Variants in STXBP4 observed in about 807,000 individuals in gnomAD.
The protein encoded by STXBP4 is syntaxin binding protein 4.
In STXBP4, 55 loss-of-function variants were observed where a neutral mutation model predicts 76.1. The observed-to-expected ratio is 0.72, with a 90% CI of 0.58 to 0.91. The LOEUF is 0.91. STXBP4 is among the 40% of genes least tolerant of loss of function. STXBP4 has a pLI of 0.00. For synonymous variants in STXBP4, 201 were observed against 220.2 expected (o/e 0.91, Z 0.77); for missense variants, 618 against 636.9 (o/e 0.97, Z 0.32).
intron 8 of STXBP4, among the ~76,000 whole-genome samples, chr17:55,010,932 A>T (rs1430251041): frequency 6.6e-6 from 1 of 152,220 alleles, no homozygotes; most frequent in Non-Finnish European, 1.5e-5. Flanking sequence ...GACCTTAGTC[A>T]TTTAATAAAT....
At chr17:55,120,815 G>GTTT (rs56937675) in intron 16 of STXBP4, among the ~76,000 whole-genome samples, 1 of 150,300 alleles carries the variant, frequency 6.7e-6, no homozygotes, top group Non-Finnish European at 1.5e-5. Context: ...AAGAAAGAGT[G>GTTT]TTTTTTTTTT....
chr17:55,089,224 C>T (rs1296464321), intron 16 of STXBP4, among the ~76,000 whole-genome samples: 1 of 152,132 alleles, frequency 6.6e-6, no homozygotes, highest in Non-Finnish European at 1.5e-5. Flanking sequence ...GCTGCCACTG[C>T]CATGACTACT....
intron 16 of STXBP4, among the ~76,000 whole-genome samples, chr17:55,109,483 A>G (rs1206964287): frequency 1.3e-5 from 2 of 152,180 alleles, no homozygotes; most frequent in East Asian, 3.8e-4. Flanking sequence ...TCCATTTACA[A>G]TGAGAATTAA....
intron 12 of STXBP4, among the ~76,000 whole-genome samples, chr17:55,049,208 T>C (rs1223081905): frequency 6.6e-6 from 1 of 151,994 alleles, no homozygotes; most frequent in East Asian, 1.9e-4. Flanking sequence ...ATACCAGTAC[T>C]AAGGGAATAT....
rs564926012 is a variant in STXBP4, at chr17:55,078,811, C to T, written c.1355+76C>T. ...TCATCTGGTCATTGTGACTCAAATA[C>T]TAAAAATCTCTTAAATAGTCCTAAG... On this transcript the variant is annotated intron_variant, in intron 15 of 17. Coordinates refer to ENST00000376352, the MANE Select transcript of STXBP4 (RefSeq NM_178509.6). 5.4e-5 allele frequency: 45 copies of T among 839,142 alleles called. No individual in the cohort carries two copies. In the South Asian group the frequency reaches 6.6e-4, roughly 12 times the overall value. 52.0% of individuals were successfully genotyped at this position (839,142 alleles called of 1,614,324 possible).
chr17:55,141,328 A>C lies in STXBP4; in HGVS notation c.1508A>C (p.Glu503Ala). Residue 503 changes from glutamate to alanine, a missense_variant, in exon 17 of 18, where the codon GAG (glutamate) becomes GCG (alanine). Coordinates refer to ENST00000376352, the MANE Select transcript of STXBP4 (RefSeq NM_178509.6). Reference sequence around the variant, plus strand: ...ACTGTAGGTTTACCTTATGGGTGGGAGGAAGCTTACACAGCAGATGGAATC... The same window carrying C: ...ACTGTAGGTTTACCTTATGGGTGGGCGGAAGCTTACACAGCAGATGGAATC... ...LDMDCLPYGWEEAYTADGIKY... is the reference protein window; with the variant it reads ...LDMDCLPYGWAEAYTADGIKY... 1 of 1,612,192 alleles carries C rather than the reference A, an allele frequency of 6.2e-7. No individual in the cohort carries two copies. Among genetic ancestry groups the C allele is most frequent in the Non-Finnish European group, 8.5e-7 (1 of 1,178,964 alleles).
intron 17 of STXBP4, among the ~76,000 whole-genome samples, chr17:55,152,327 T>A (rs1489937136): frequency 6.6e-6 from 1 of 152,218 alleles, no homozygotes; most frequent in Non-Finnish European, 1.5e-5. Flanking sequence ...AATTTGTTGC[T>A]ACATGATGTA....
intron 4 of STXBP4, 49 bp downstream of exon 4, chr17:54,991,006 CA>C (rs2077707844): frequency 6.8e-7 from 1 of 1,463,346 alleles, no homozygotes; most frequent in East Asian, 2.5e-5. Flanking sequence ...AAAGACCCAC[CA>C]GTGGTAAAGT....
rs1228249581 is a variant in STXBP4 at position 55,169,333 on chromosome 17, T to C, written c.*9422T>C. 2 of 140,670 alleles carry C rather than the reference T, an allele frequency of 1.4e-5. No individual in the cohort carries two copies. The highest frequency in any genetic ancestry group is 3.1e-5 in the Non-Finnish European group (2 of 64,736). The allele number at this position is 140,670 out of a possible 1,614,324, so 8.7% of individuals were successfully genotyped here. ...GTCAGAGGCCAGAGAACCCAGAGTA[T>C]TTATACCTCTGCACCATCAGTTATT... On this transcript the variant is annotated 3_prime_UTR_variant, in exon 18 of 18. Transcript: ENST00000376352.
chr17:55,129,608 G>A (rs1239714321), intron 16 of STXBP4, among the ~76,000 whole-genome samples: 1 of 151,888 alleles, frequency 6.6e-6, no homozygotes, highest in African/African-American at 2.4e-5. Flanking sequence ...GAGGGAGGGA[G>A]GGAGGAAGGA....
At chr17:55,088,026 G>C (rs922204961) in intron 16 of STXBP4, among the ~76,000 whole-genome samples, 1 of 152,246 alleles carries the variant, frequency 6.6e-6, no homozygotes, top group South Asian at 2.1e-4. Flanking sequence ...GCAAATCTAT[G>C]TTGTCCTTTT....
intron 16 of STXBP4, among the ~76,000 whole-genome samples, chr17:55,126,014 A>G (rs2079907732): frequency 6.6e-6 from 1 of 152,118 alleles, no homozygotes; most frequent in South Asian, 2.1e-4. Flanking sequence ...GCAAAGGGGA[A>G]TGGGGAGGGA....
rs942266814 is a variant in STXBP4, at chr17:55,166,599, T to A, written c.*6688T>A. The A allele has an allele frequency of 3.9e-5, 6 of 152,274 alleles. No individual in the cohort carries two copies. 9.4% of individuals were successfully genotyped at this position (152,274 alleles called of 1,614,324 possible). A position where few individuals can be genotyped will look rare whatever the true frequency, so the allele number is the denominator to read the frequency against. ...TTCTTCTCATACATCAAGATTCTGC[T>A]CTCATTTTACCTCTTCTTTGAAGAG... On this transcript the variant is annotated 3_prime_UTR_variant, in exon 18 of 18. Coordinates refer to ENST00000376352, the MANE Select transcript of STXBP4 (RefSeq NM_178509.6).
At position 55,170,132 on chromosome 17, in the gene STXBP4, G is replaced by A. The variant is rs2080398154; in HGVS notation, c.*10221G>A. On this transcript the variant is annotated 3_prime_UTR_variant, in exon 18 of 18. Coordinates refer to ENST00000376352, the MANE Select transcript of STXBP4 (RefSeq NM_178509.6). ...AAGCAGTCTTGGAACATCTATCAAA[G>A]GCCTTAAAAATTTCTTCTTCTGTGA... The A allele has an allele frequency of 6.6e-6, 1 of 152,010 alleles. No individual in the cohort carries two copies. Among genetic ancestry groups the A allele is most frequent in the African/African-American group, 2.4e-5 (1 of 41,390 alleles). 9.4% of individuals were successfully genotyped at this position (152,010 alleles called of 1,614,324 possible). A position where few individuals can be genotyped will look rare whatever the true frequency, so the allele number is the denominator to read the frequency against.
intron 13 of STXBP4, among the ~76,000 whole-genome samples, chr17:55,075,394 C>T (rs1027784992): frequency 6.6e-6 from 1 of 152,050 alleles, no homozygotes; most frequent in African/African-American, 2.4e-5. Flanking sequence ...TTCTTGTACT[C>T]TATTGTGTGG....
chr17:55,073,498 A>G (rs753103549), intron 13 of STXBP4, among the ~76,000 whole-genome samples: 2 of 152,172 alleles, frequency 1.3e-5, no homozygotes, highest in African/African-American at 4.8e-5. Flanking sequence ...TGTTTGCCTA[A>G]GGCCTAGATA....
chr17:55,071,133 A>G (rs943662555), intron 12 of STXBP4, among the ~76,000 whole-genome samples: 1 of 152,062 alleles, frequency 6.6e-6, no homozygotes, highest in African/African-American at 2.4e-5. Context: ...CTTGCCCACC[A>G]TCTACAGTCT....
intron 3 of STXBP4, among the ~76,000 whole-genome samples, chr17:54,989,176 T>G (rs1241044716): frequency 6.6e-6 from 1 of 152,198 alleles, no homozygotes. Flanking sequence ...GGCACGATCT[T>G]GGCTCACAGC....
At chr17:55,034,011 TCTTATTTGAAATTACATTTAC>T (rs1274623005) in intron 9 of STXBP4, among the ~76,000 whole-genome samples, 136 bp from the exon 10 acceptor site, 1 of 152,244 alleles carries the variant, frequency 6.6e-6, no homozygotes, top group East Asian at 1.9e-4. Context: ...ATTTGTCTCT[TCTTATTTGAAATTACATTTAC>T]CTATCACTTC....
Sources: allele counts gnomAD v4.1 joint callset (sites outside exome capture counted in the v4.1 genomes callset), GRCh38; gene constraint gnomAD v4.1.1; transcripts MANE v1.5; gene names NCBI Gene and HGNC (gene_info 2026-07-23, HGNC 2026-07-21).